The following RTKN2 variants were observed in gnomAD, a reference collection of about 807,000 sequenced individuals.
RTKN2 encodes rhotekin 2, also known as rhotekin-2.
Under a neutral mutation model 71.5 loss-of-function variants are expected in RTKN2, and 69 were observed. The ratio of observed to expected loss-of-function variants is 0.96; its 90% CI spans 0.79 to 1.18. RTKN2 has a LOEUF of 1.18. Among genes scored for constraint, RTKN2 ranks in the 50% most tolerant of loss-of-function variants. RTKN2 has a pLI of 0.00. For synonymous variants in RTKN2, 236 were observed against 236.5 expected (o/e 1.00, Z 0.02); for missense variants, 724 against 719.7 (o/e 1.01, Z -0.07).
At chr10:62,268,455 G>C in intron 1 of RTKN2, 96 bp downstream of exon 1, 1 of 1,149,276 alleles carries the variant, frequency 8.7e-7, no homozygotes, top group Non-Finnish European at 1.3e-6. Context: ...AGAGGAGCGG[G>C]GGAGAGGCTT....
intron 6 of RTKN2, 123 bp downstream of exon 6, chr10:62,235,943 A>C: frequency 4.3e-6 from 3 of 705,632 alleles, no homozygotes; most frequent in Non-Finnish European, 7.0e-6. Flanking sequence ...TCAAACAACT[A>C]AGTTTTGTTT....
In RTKN2 at chr10:62,193,974, T is replaced by A. The variant is rs1226512158; in HGVS notation, c.*3934A>T. Reference sequence around the variant, plus strand: ...AATCAGTCTAGTCTAGAGGAGCACTTAAAGAGAAAAAGTTAGAAAACGTCT... The same window carrying A: ...AATCAGTCTAGTCTAGAGGAGCACTAAAAGAGAAAAAGTTAGAAAACGTCT... On this transcript the variant is annotated 3_prime_UTR_variant, in exon 12 of 12. Transcript: ENST00000373789. 1 of 984,910 alleles carries A rather than the reference T, an allele frequency of 1.0e-6. No individual in the cohort carries two copies. The highest frequency in any genetic ancestry group is 1.7e-5 in the African/African-American group (1 of 57,186). 61.0% of individuals were successfully genotyped at this position (984,910 alleles called of 1,614,324 possible). A position where few individuals can be genotyped will look rare whatever the true frequency, so the allele number is the denominator to read the frequency against.
At chr10:62,192,087 G>T (rs1841232325), downstream of RTKN2, among the ~76,000 whole-genome samples, 1 of 150,380 alleles carries the variant, frequency 6.6e-6, no homozygotes, top group Non-Finnish European at 1.5e-5. Context: ...AAACCCAAAT[G>T]AGGTTAAAAA....
intron 6 of RTKN2, among the ~76,000 whole-genome samples, chr10:62,227,558 G>C (rs1370747809): frequency 1.3e-5 from 2 of 152,164 alleles, no homozygotes; most frequent in African/African-American, 4.8e-5. Context: ...GTAGGGGGCA[G>C]ACAGACAGAC....
At chr10:62,264,466 T>C (rs1329776085) in intron 1 of RTKN2, among the ~76,000 whole-genome samples, 1 of 152,228 alleles carries the variant, frequency 6.6e-6, no homozygotes, top group African/African-American at 2.4e-5. Flanking sequence ...TATGACTTAC[T>C]AGCCCCAAAG....
chr10:62,241,720 A>AG (rs1246261256), intron 3 of RTKN2, among the ~76,000 whole-genome samples: 1 of 152,142 alleles, frequency 6.6e-6, no homozygotes, highest in Non-Finnish European at 1.5e-5. Context: ...CTGAGATTAC[A>AG]GGTGTGTGCC....
chr10:62,226,977 G>C (rs1427574497), intron 6 of RTKN2, among the ~76,000 whole-genome samples: 1 of 152,044 alleles, frequency 6.6e-6, no homozygotes, highest in African/African-American at 2.4e-5. Flanking sequence ...AACTAGAAGG[G>C]GGTTTTAAAT....
chr10:62,245,941 C>A, intron 3 of RTKN2, 58 bp downstream of exon 3: 1 of 1,066,266 alleles, frequency 9.4e-7, no homozygotes, highest in Non-Finnish European at 1.4e-6. Context: ...ACAAAATCCA[C>A]CATGTAGTTA....
Position 62,196,875 on chromosome 10 carries a change from C to T in RTKN2, c.*1033G>A. On this transcript the variant is annotated 3_prime_UTR_variant, in exon 12 of 12. Coordinates refer to ENST00000373789, the MANE Select transcript of RTKN2 (RefSeq NM_145307.4). Reference sequence around the variant, plus strand: ...TTATTCCTCACTTGACTTTATAATCCTGTTTGGGTCACTATGATTAGTTGC... The same window carrying T: ...TTATTCCTCACTTGACTTTATAATCTTGTTTGGGTCACTATGATTAGTTGC... 8.1e-6 allele frequency: 8 copies of T among 982,418 alleles called. No homozygotes were observed. Among genetic ancestry groups the T allele is most frequent in the Non-Finnish European group, 9.7e-6 (8 of 827,484 alleles). The allele number at this position is 982,418 out of a possible 1,614,324, so 60.9% of individuals were successfully genotyped here.
chr10:62,209,122 G>C (rs1841606701), intron 9 of RTKN2, among the ~76,000 whole-genome samples: 1 of 152,072 alleles, frequency 6.6e-6, no homozygotes, highest in African/African-American at 2.4e-5. Context: ...TACAAAATTA[G>C]CTGGGCGTGG....
chr10:62,233,285 C>T lies in RTKN2; in HGVS notation c.686+2781G>A, dbSNP rs1227626005. Among the ~76,000 whole-genome samples, 5 of 152,116 alleles carry T rather than the reference C, an allele frequency of 3.3e-5. No homozygotes were observed. In the East Asian group the frequency reaches 7.7e-4, roughly 23 times the overall value. On this transcript the variant is annotated intron_variant, in intron 6 of 11. Transcript: ENST00000373789. ...ATTATCTCTAAGATCTCTTTCTGCA[C>T]TAAAACCTGCTTAAACCTGGAAATA...
intron 6 of RTKN2, among the ~76,000 whole-genome samples, chr10:62,235,338 A>G (rs1205528928): frequency 6.6e-6 from 1 of 152,112 alleles, no homozygotes; most frequent in Non-Finnish European, 1.5e-5. Flanking sequence ...TTAAAAAGAG[A>G]TAAAATATTT....
intron 2 of RTKN2, among the ~76,000 whole-genome samples, chr10:62,249,930 A>C (rs1173027573): frequency 6.6e-6 from 1 of 152,226 alleles, no homozygotes; most frequent in Admixed American, 6.5e-5. Flanking sequence ...CCTGTAAAAC[A>C]GTAGTAGCCA....
At chr10:62,255,430 G>A (rs1175292609) in intron 2 of RTKN2, among the ~76,000 whole-genome samples, 1 of 152,122 alleles carries the variant, frequency 6.6e-6, no homozygotes, top group Admixed American at 6.6e-5. Context: ...GTCTTTTTGT[G>A]TCAGGAAGCA....
chr10:62,257,283 T>A (rs750508343), intron 2 of RTKN2, among the ~76,000 whole-genome samples: 3 of 152,212 alleles, frequency 2.0e-5, no homozygotes, highest in African/African-American at 7.2e-5. Context: ...AAGCTTATAA[T>A]TTATGAAAAG....
intron 7 of RTKN2, 129 bp downstream of exon 7, chr10:62,223,109 A>G: frequency 1.9e-6 from 1 of 524,452 alleles, no homozygotes; most frequent in Non-Finnish European, 3.4e-6. Flanking sequence ...AGGGACAGAT[A>G]TATTTTAAAG....
At chr10:62,245,293 T>C (rs1050973169) in intron 3 of RTKN2, among the ~76,000 whole-genome samples, 1 of 152,088 alleles carries the variant, frequency 6.6e-6, no homozygotes, top group Non-Finnish European at 1.5e-5. Flanking sequence ...TTATATTATA[T>C]ATAGATAAAC....
intron 1 of RTKN2, among the ~76,000 whole-genome samples, chr10:62,266,350 G>A (rs1033333094): frequency 2.6e-5 from 4 of 152,170 alleles, no homozygotes; most frequent in African/African-American, 7.2e-5. Flanking sequence ...TAAGACAACC[G>A]CAGTAATCAA....
rs114714905 is a variant in RTKN2 at position 62,262,835 on chromosome 10, G to A, written c.61-14C>T. On this transcript the variant is annotated splice_polypyrimidine_tract_variant and intron_variant, in intron 1 of 11. Coordinates refer to ENST00000373789, the MANE Select transcript of RTKN2 (RefSeq NM_145307.4). ...AATGTTGCAGTCCTAAAAAAAAAAT[G>A]CATCTTGAAAATATAGCAAAAACCC... 2 of 1,547,128 alleles carry A rather than the reference G, an allele frequency of 1.3e-6. No homozygotes were observed. Among genetic ancestry groups the A allele is most frequent in the East Asian group, 2.3e-5 (1 of 44,294 alleles).
Sources: gnomAD v4.1 joint callset for allele counts (sites outside exome capture counted in the v4.1 genomes callset) on GRCh38, gnomAD v4.1.1 for gene constraint, MANE v1.5 for transcripts, NCBI Gene and HGNC (gene_info 2026-07-23, HGNC 2026-07-21) for gene names.